INPP4B: variants seen among roughly 807,000 people sequenced by gnomAD.
INPP4B encodes the protein inositol polyphosphate-4-phosphatase type II B.
A neutral mutation model predicts 122.5 loss-of-function variants in INPP4B; 55 were observed. The observed-to-expected ratio is 0.45, with a 90% CI of 0.36 to 0.56. The LOEUF is 0.56. Among genes scored for constraint, INPP4B ranks in the 20% least tolerant of loss-of-function variants. The probability of loss-of-function intolerance (pLI) is 0.00; values close to 1 mark genes in which losing one functional copy is unlikely to be tolerated. For synonymous variants in INPP4B, 403 were observed against 388.7 expected (o/e 1.04, Z -0.43); for missense variants, 1,000 against 1,097.7 (o/e 0.91, Z 1.26).
At chr4:142,762,767 T>G (rs1245011855) in intron 1 of INPP4B, among the ~76,000 whole-genome samples, 1 of 152,158 alleles carries the variant, frequency 6.6e-6, no homozygotes, top group Non-Finnish European at 1.5e-5. Flanking sequence ...AAGAATGAAA[T>G]CTTAGCAGCT....
chr4:142,801,133 T>G (rs993818909), intron 1 of INPP4B, among the ~76,000 whole-genome samples: 1 of 151,730 alleles, frequency 6.6e-6, no homozygotes, highest in African/African-American at 2.4e-5. Context: ...AAGAACAGGA[T>G]AGTTGCAAAA....
chr4:142,412,869 C>G (rs931476148), intron 5 of INPP4B, among the ~76,000 whole-genome samples: 1 of 152,108 alleles, frequency 6.6e-6, no homozygotes, highest in South Asian at 2.1e-4. Flanking sequence ...ACTCTCATCA[C>G]TCTGAAAGAC....
At chr4:142,469,293 A>G (rs1818381900) in intron 2 of INPP4B, among the ~76,000 whole-genome samples, 4 of 152,112 alleles carry the variant, frequency 2.6e-5, no homozygotes, top group Admixed American at 2.6e-4. Context: ...AATCCAAATT[A>G]CTACAGCAGT....
chr4:142,519,892 T>C (rs1027343677), intron 2 of INPP4B, among the ~76,000 whole-genome samples: 1 of 152,098 alleles, frequency 6.6e-6, no homozygotes, highest in Non-Finnish European at 1.5e-5. Flanking sequence ...TTGAAAACTT[T>C]TGGATACCTG....
At chr4:142,418,971 G>T (rs1400330255) in intron 5 of INPP4B, among the ~76,000 whole-genome samples, 1 of 152,118 alleles carries the variant, frequency 6.6e-6, no homozygotes, top group Non-Finnish European at 1.5e-5. Flanking sequence ...GGGATGGAAA[G>T]GGGTGGTGAA....
chr4:142,191,054 A>G (rs959202721), intron 15 of INPP4B, among the ~76,000 whole-genome samples: 3 of 152,194 alleles, frequency 2.0e-5, no homozygotes, highest in African/African-American at 4.8e-5. Flanking sequence ...AGACTGAGAC[A>G]CAGTTCCAGA....
intron 1 of INPP4B, among the ~76,000 whole-genome samples, chr4:142,761,234 T>C (rs1771300765): frequency 6.6e-6 from 1 of 152,072 alleles, no homozygotes; most frequent in Non-Finnish European, 1.5e-5. Flanking sequence ...TTAATTGTAT[T>C]CTGCAGCCTT....
At chr4:142,406,895 A>C (rs1045416507) in intron 5 of INPP4B, among the ~76,000 whole-genome samples, 1 of 152,162 alleles carries the variant, frequency 6.6e-6, no homozygotes, top group South Asian at 2.1e-4. Context: ...TTACATTACT[A>C]GAATTCTCTG....
At chr4:142,639,490 T>C (rs1580585938) in intron 2 of INPP4B, among the ~76,000 whole-genome samples, 1 of 152,300 alleles carries the variant, frequency 6.6e-6, no homozygotes, top group East Asian at 1.9e-4. Flanking sequence ...ATTGGTCCTT[T>C]TCATCTAGGT....
At chr4:142,426,848 A>T (rs890915446) in intron 5 of INPP4B, 3 of 151,982 alleles carry the variant, frequency 2.0e-5, no homozygotes, top group Non-Finnish European at 2.9e-5. Flanking sequence ...AAATAATTTG[A>T]ATACTTTGGT....
At chr4:142,510,420 T>C (rs1426662710) in intron 2 of INPP4B, among the ~76,000 whole-genome samples, 1 of 152,206 alleles carries the variant, frequency 6.6e-6, no homozygotes, top group Non-Finnish European at 1.5e-5. Flanking sequence ...AAAGAAGTTA[T>C]TATAGCAATA....
At chr4:142,240,634 C>G (rs903501932) in intron 11 of INPP4B, among the ~76,000 whole-genome samples, 2 of 152,108 alleles carry the variant, frequency 1.3e-5, no homozygotes, top group Non-Finnish European at 2.9e-5. Flanking sequence ...AACATTAGTA[C>G]TAAATTGCGT....
chr4:142,660,161 A>C (rs1017515280), intron 2 of INPP4B, among the ~76,000 whole-genome samples: 3 of 152,216 alleles, frequency 2.0e-5, no homozygotes, highest in Admixed American at 6.5e-5. Flanking sequence ...GAGAACAGAT[A>C]ATTCCTTTTC....
chr4:142,355,275 A>G (rs1386917319), intron 7 of INPP4B, among the ~76,000 whole-genome samples: 1 of 152,002 alleles, frequency 6.6e-6, no homozygotes, highest in Non-Finnish European at 1.5e-5. Flanking sequence ...TTATAGGAGG[A>G]GCTGCAAAGA....
At chr4:142,117,278 AG>A (rs1265008145) in intron 21 of INPP4B, among the ~76,000 whole-genome samples, 5 of 152,148 alleles carry the variant, frequency 3.3e-5, no homozygotes, top group Non-Finnish European at 7.4e-5. Flanking sequence ...TCCAATCAAT[AG>A]AAAAAAAACG....
At chr4:142,248,658 G>A (rs1730361271) in intron 11 of INPP4B, among the ~76,000 whole-genome samples, 2 of 151,250 alleles carry the variant, frequency 1.3e-5, no homozygotes, top group African/African-American at 4.9e-5. Flanking sequence ...GTGTATGTGT[G>A]TGTGTGTGTG....
intron 2 of INPP4B, among the ~76,000 whole-genome samples, chr4:142,720,510 C>A (rs928411994): frequency 3.3e-5 from 5 of 151,712 alleles, no homozygotes; most frequent in Non-Finnish European, 7.4e-5. Context: ...TTGCACATAA[C>A]CTATGCACAT....
chr4:142,051,642 C>T lies in INPP4B; in HGVS notation c.2643-22728G>A, dbSNP rs1472749033. Reference sequence around the variant, plus strand: ...ATTTTCTCTTGGTACACACATTTAACATCAGCGTTGCTCTACAAGGGTTTT... The same window carrying T: ...ATTTTCTCTTGGTACACACATTTAATATCAGCGTTGCTCTACAAGGGTTTT... On this transcript the variant is annotated intron_variant, in intron 25 of 25. Transcript: ENST00000262992. Among the ~76,000 whole-genome samples, 4 of 151,988 alleles carry T rather than the reference C, an allele frequency of 2.6e-5. No individual in the cohort carries two copies. In the East Asian group the frequency reaches 5.8e-4, roughly 22 times the overall value.
At chr4:142,627,894 G>T (rs1218705339) in intron 2 of INPP4B, among the ~76,000 whole-genome samples, 5 of 150,218 alleles carry the variant, frequency 3.3e-5, no homozygotes. Flanking sequence ...GACTCTTTTT[G>T]GTTGGTAAGC....
Sources: gnomAD v4.1 joint callset for allele counts (sites outside exome capture counted in the v4.1 genomes callset) on GRCh38, gnomAD v4.1.1 for gene constraint, MANE v1.5 for transcripts, NCBI Gene and HGNC (gene_info 2026-07-23, HGNC 2026-07-21) for gene names.